Variants in PRELID2 observed in about 807,000 individuals in gnomAD.
The protein encoded by PRELID2 is PRELI domain containing 2, also known as PRELI domain-containing protein 2.
Under a neutral mutation model 28.4 loss-of-function variants are expected in PRELID2, and 25 were observed. The ratio of observed to expected loss-of-function variants is 0.88; its 90% CI spans 0.64 to 1.23. The LOEUF is 1.23. PRELID2 is among the 50% of genes most tolerant of loss of function. The pLI is 0.00. For synonymous variants in PRELID2, 76 were observed against 71.6 expected, an observed-to-expected ratio of 1.06 and a Z score of -0.31; for missense variants, 201 against 214.4, an observed-to-expected ratio of 0.94 and a Z score of 0.39.
the PRELID2 span, among the ~76,000 whole-genome samples, chr5:145,312,075 T>C: frequency 6.6e-6 from 1 of 152,188 alleles, no homozygotes; most frequent in African/African-American, 2.4e-5. Flanking sequence ...ACCAGGTGCA[T>C]TGACTGATGT....
At chr5:145,613,675 T>G (rs575048349) in intron 1 of PRELID2, among the ~76,000 whole-genome samples, 1 of 152,270 alleles carries the variant, frequency 6.6e-6, no homozygotes, top group African/African-American at 2.4e-5. Context: ...CAGGATTGTT[T>G]GTACTTTTCT....
intron 1 of PRELID2, among the ~76,000 whole-genome samples, chr5:145,708,326 A>C (rs1755601317): frequency 6.6e-6 from 1 of 152,164 alleles, no homozygotes; most frequent in Non-Finnish European, 1.5e-5. Context: ...GATAGATTCT[A>C]ACTCTTATTA....
chr5:145,350,630 T>G, the PRELID2 span, among the ~76,000 whole-genome samples: 1 of 152,310 alleles, frequency 6.6e-6, no homozygotes, highest in East Asian at 1.9e-4. Context: ...ATGATTTCTC[T>G]TATATAAATA....
chr5:145,478,511 A>G (rs1272555900), intron 1 of PRELID2, among the ~76,000 whole-genome samples: 4 of 152,122 alleles, frequency 2.6e-5, no homozygotes, highest in South Asian at 2.1e-4. Flanking sequence ...AGATCACGCC[A>G]TTACTCTCCA....
the PRELID2 span, among the ~76,000 whole-genome samples, chr5:145,404,073 A>G: frequency 6.6e-6 from 1 of 152,198 alleles, no homozygotes; most frequent in Non-Finnish European, 1.5e-5. Context: ...CGGATTAAAT[A>G]TCAACAACGG....
the PRELID2 span, among the ~76,000 whole-genome samples, chr5:145,415,781 T>G: frequency 6.6e-6 from 1 of 152,032 alleles, no homozygotes; most frequent in Non-Finnish European, 1.5e-5. Context: ...TTTATAGTCC[T>G]TTGGGTATAT....
the PRELID2 span, chr5:145,338,443 T>C: frequency 1.3e-5 from 2 of 152,210 alleles, no homozygotes; most frequent in African/African-American, 4.8e-5. Context: ...TGCACATAGA[T>C]GCATGCAAGT....
the PRELID2 span, among the ~76,000 whole-genome samples, chr5:145,464,504 T>C: frequency 6.6e-5 from 10 of 152,330 alleles, no homozygotes; most frequent in African/African-American, 2.2e-4. Flanking sequence ...TTCAAATATC[T>C]GCAGGTTTAT....
chr5:145,534,271 T>C (rs765518425), intron 1 of PRELID2, among the ~76,000 whole-genome samples: 3 of 152,020 alleles, frequency 2.0e-5, no homozygotes, highest in Non-Finnish European at 4.4e-5. Context: ...CACAAGTATC[T>C]TTTCTTCAAC....
chr5:145,619,631 C>T (rs939690751), intron 1 of PRELID2, among the ~76,000 whole-genome samples: 5 of 152,174 alleles, frequency 3.3e-5, no homozygotes, highest in Non-Finnish European at 7.3e-5. Context: ...TTTATTCCTG[C>T]GGTCATTCTG....
intron 1 of PRELID2, among the ~76,000 whole-genome samples, chr5:145,691,290 A>C (rs1755143961): frequency 6.6e-6 from 1 of 152,254 alleles, no homozygotes; most frequent in African/African-American, 2.4e-5. Flanking sequence ...CATAGGACCA[A>C]GCACAGTTGC....
At chr5:145,415,745 G>T in the PRELID2 span, among the ~76,000 whole-genome samples, 2 of 151,880 alleles carry the variant, frequency 1.3e-5, no homozygotes, top group East Asian at 3.9e-4. Context: ...AAACATATGT[G>T]TGCATGTGTC....
chr5:145,688,682 TGATCATGACA>T (rs1439526579), intron 1 of PRELID2, among the ~76,000 whole-genome samples: 1 of 152,234 alleles, frequency 6.6e-6, no homozygotes, highest in Non-Finnish European at 1.5e-5. Context: ...TTTAATGGCC[TGATCATGACA>T]GAGCATGACA....
chr5:145,639,472 C>G (rs774134332), intron 1 of PRELID2, among the ~76,000 whole-genome samples: 1 of 152,144 alleles, frequency 6.6e-6, no homozygotes, highest in Non-Finnish European at 1.5e-5. Context: ...TGAAAACTGT[C>G]TCAAACATTT....
chr5:145,313,064 G>A, the PRELID2 span, among the ~76,000 whole-genome samples: 2 of 151,828 alleles, frequency 1.3e-5, no homozygotes, highest in Non-Finnish European at 2.9e-5. Flanking sequence ...AAACCAAATA[G>A]CCAAGTGAAT....
chr5:145,372,573 G>A, the PRELID2 span, among the ~76,000 whole-genome samples: 48 of 151,790 alleles, frequency 3.2e-4, no homozygotes, highest in Non-Finnish European at 5.0e-4. Context: ...GCTCTTCTTG[G>A]TGAATTGTTC....
In PRELID2 at chr5:145,600,434, A is replaced by AATAT. The variant is rs1299956414; in HGVS notation, n.71-127123_71-127120dup. Among the ~76,000 whole-genome samples, 41 of 120,090 alleles carry AATAT rather than the reference A, an allele frequency of 3.4e-4. 1 individual carries two copies. The highest frequency in any genetic ancestry group is 1.1e-3 in the East Asian group (5 of 4,680). The allele number at this position is 120,090 out of a possible 152,430, so 78.8% of individuals were successfully genotyped here. A position where few individuals can be genotyped will look rare whatever the true frequency, so the allele number is the denominator to read the frequency against. ...TCTCAGGGGGGGAAAAAAAAAAAAA[A>AATAT]ATATATATATATATATATATGTATC... On this transcript the variant is annotated intron_variant and non_coding_transcript_variant, in intron 1 of 2. Transcript: ENST00000510259.
chr5:145,831,943 T>G (rs1371324735), intron 1 of PRELID2, among the ~76,000 whole-genome samples: 1 of 152,222 alleles, frequency 6.6e-6, no homozygotes, highest in Admixed American at 6.5e-5. Context: ...ATCAACCACA[T>G]GAGTTTAGTC....
intron 1 of PRELID2, among the ~76,000 whole-genome samples, chr5:145,551,445 C>G (rs935057453): frequency 1.3e-5 from 2 of 151,378 alleles, no homozygotes; most frequent in African/African-American, 4.9e-5. Flanking sequence ...AATAAACCTG[C>G]TTAACAACTA....
Sources: allele counts gnomAD v4.1 joint callset (sites outside exome capture counted in the v4.1 genomes callset), GRCh38; gene constraint gnomAD v4.1.1; transcripts MANE v1.5; gene names NCBI Gene and HGNC (gene_info 2026-07-23, HGNC 2026-07-21).